PCDHAC1: variants seen among roughly 807,000 people sequenced by gnomAD.
The protein encoded by PCDHAC1 is protocadherin alpha-C1.
A neutral mutation model predicts 60.0 loss-of-function variants in PCDHAC1; 42 were observed. The observed-to-expected ratio is 0.70, with a 90% CI of 0.55 to 0.90. The LOEUF (loss-of-function observed/expected upper bound fraction) is 0.90. Ranked by LOEUF, PCDHAC1 falls within the 40% of genes least tolerant of loss-of-function variation. PCDHAC1 has a pLI of 0.00. For synonymous variants in PCDHAC1, 468 were observed against 499.3 expected, an observed-to-expected ratio of 0.94 and a Z score of 0.84; for missense variants, 1,160 against 1,222.3, an observed-to-expected ratio of 0.95 and a Z score of 0.76.
At chr5:140,958,593 A>G (rs1412529643) in intron 1 of PCDHAC1, among the ~76,000 whole-genome samples, 2 of 152,214 alleles carry the variant, frequency 1.3e-5, no homozygotes, top group African/African-American at 4.8e-5. Context: ...GCTTATGATA[A>G]TTGGATCAAA....
chr5:141,008,633 A>G (rs1212403774), intron 3 of PCDHAC1, among the ~76,000 whole-genome samples: 1 of 152,212 alleles, frequency 6.6e-6, no homozygotes, highest in African/African-American at 2.4e-5. Context: ...AGTATAATTA[A>G]CAATTTCTTC....
At chr5:140,968,394 G>A (rs782388354) in intron 1 of PCDHAC1, 3 of 1,613,942 alleles carry the variant, frequency 1.9e-6, no homozygotes, top group Admixed American at 3.3e-5. Context: ...GAGAAGTTTC[G>A]GGAGTTCTTT....
At chr5:140,956,314 G>C (rs1262942129) in intron 1 of PCDHAC1, among the ~76,000 whole-genome samples, 2 of 152,036 alleles carry the variant, frequency 1.3e-5, no homozygotes, top group Admixed American at 6.6e-5. Context: ...ATTATTTTGA[G>C]ATATGTTCCT....
chr5:140,934,684 A>C (rs1026507859), intron 1 of PCDHAC1, among the ~76,000 whole-genome samples: 9 of 152,178 alleles, frequency 5.9e-5, no homozygotes, highest in Non-Finnish European at 1.3e-4. Flanking sequence ...TATTCAAAAC[A>C]ATGAATTGAT....
At chr5:140,958,133 G>T (rs1472500802) in intron 1 of PCDHAC1, among the ~76,000 whole-genome samples, 2 of 152,046 alleles carry the variant, frequency 1.3e-5, no homozygotes, top group East Asian at 3.8e-4. Flanking sequence ...ATGTATCAGT[G>T]TGTATATTTA....
rs374146742 is a variant in PCDHAC1 at position 140,927,954 on chromosome 5, C to T, written c.1062C>T (p.Ala354=). ...TLSNPVPEDA[A]PGTVIALFSV... ...CGAACCCAGTACCTGAGGACGCTGC[C>T]CCTGGCACAGTGATTGCTCTCTTTA... Residue 354 remains alanine (A), a synonymous_variant, in exon 1 of 4, where the codon GCC becomes GCT. Transcript: ENST00000253807. The T allele has an allele frequency of 5.2e-5, 84 of 1,614,080 alleles. No homozygotes were observed. In the African/African-American group the frequency reaches 1.0e-3, roughly 19 times the overall value.
chr5:140,973,639 T>C (rs1563426866), intron 1 of PCDHAC1, among the ~76,000 whole-genome samples: 2 of 152,362 alleles, frequency 1.3e-5, no homozygotes, highest in East Asian at 3.9e-4. Context: ...GTACACATTC[T>C]GACTGAAGAA....
intron 3 of PCDHAC1, among the ~76,000 whole-genome samples, chr5:140,996,287 A>C (rs1200123512): frequency 2.0e-5 from 3 of 152,258 alleles, no homozygotes; most frequent in African/African-American, 4.8e-5. Context: ...AAATTTCAAG[A>C]AGCACAGATT....
chr5:140,983,005 AAAGG>A (rs1223217874), intron 3 of PCDHAC1, among the ~76,000 whole-genome samples: 2 of 152,110 alleles, frequency 1.3e-5, no homozygotes, highest in African/African-American at 2.4e-5. Flanking sequence ...AAAGAAAGAA[AAAGG>A]AAGGAAGGAA....
chr5:140,927,401 G>A lies in PCDHAC1; in HGVS notation c.509G>A (p.Arg170His), dbSNP rs782140870. The change falls in exon 1 of 4, where the codon CGC (arginine) becomes CAC (histidine). Residue 170 changes from arginine to histidine, a missense_variant. Transcript: ENST00000253807. ...AGCCTAAGCCCCAGTCAGCACTTTCGCCTGGACATGGGATCGCGGGTTGAC... is the reference window on the plus strand; with the variant it reads ...AGCCTAAGCCCCAGTCAGCACTTTCACCTGGACATGGGATCGCGGGTTGAC... Reference protein sequence around the residue: ...SYSLSPSQHFRLDMGSRVDGS... With the variant: ...SYSLSPSQHFHLDMGSRVDGS... The A allele has an allele frequency of 1.9e-6, 3 of 1,614,192 alleles. No homozygotes were observed. Among genetic ancestry groups the A allele is most frequent in the Non-Finnish European group, 2.5e-6 (3 of 1,180,036 alleles).
chr5:140,984,386 A>G (rs2097099955), intron 3 of PCDHAC1, among the ~76,000 whole-genome samples: 1 of 152,202 alleles, frequency 6.6e-6, no homozygotes, highest in South Asian at 2.1e-4. Flanking sequence ...TTCAGATTCA[A>G]AAAATGTTGA....
At chr5:140,965,343 T>C (rs1460433512) in intron 1 of PCDHAC1, among the ~76,000 whole-genome samples, 1 of 152,154 alleles carries the variant, frequency 6.6e-6, no homozygotes, top group Admixed American at 6.5e-5. Flanking sequence ...TGTCTCTGTG[T>C]TGCCTCTATA....
intron 1 of PCDHAC1, among the ~76,000 whole-genome samples, chr5:140,931,320 G>A (rs1350182542): frequency 6.6e-6 from 1 of 151,992 alleles, no homozygotes; most frequent in Non-Finnish European, 1.5e-5. Context: ...TACCAGTAAT[G>A]GCTGTAAAGT....
At chr5:141,006,077 T>C (rs1554260547) in intron 3 of PCDHAC1, among the ~76,000 whole-genome samples, 1 of 150,908 alleles carries the variant, frequency 6.6e-6, no homozygotes, top group East Asian at 1.9e-4. Flanking sequence ...ATCAGATTAT[T>C]GAAGGGACTT....
chr5:140,975,707 A>G (rs1445809800), intron 1 of PCDHAC1, among the ~76,000 whole-genome samples: 1 of 152,204 alleles, frequency 6.6e-6, no homozygotes, highest in East Asian at 1.9e-4. Context: ...ATTTTACTTT[A>G]AATCTTAGAA....
intron 1 of PCDHAC1, among the ~76,000 whole-genome samples, chr5:140,978,185 G>C (rs1177844558): frequency 1.3e-5 from 2 of 152,168 alleles, no homozygotes; most frequent in East Asian, 3.8e-4. Context: ...GAGGGCAACA[G>C]ATCTTTTCAA....
intron 1 of PCDHAC1, chr5:140,966,748 T>G: frequency 1.4e-6 from 2 of 1,426,956 alleles, no homozygotes; most frequent in Non-Finnish European, 1.8e-6. Flanking sequence ...CCCGGCTGCC[T>G]CCGCCGCGGC....
Position 140,928,168 on chromosome 5 carries a change from A to T in PCDHAC1, c.1276A>T (p.Ser426Cys). ...CTCAGATAGTGGCTCACCCCCACTT[A>T]GCACCCGAAGGACAATCACTGTGTC... ...TASDSGSPPL[S>C]TRRTITVSVA... Residue 426 changes from serine to cysteine, a missense_variant, in exon 1 of 4, where the codon AGC (serine) becomes TGC (cysteine). Transcript: ENST00000253807. 1.9e-6 allele frequency: 3 copies of T among 1,614,174 alleles called. No homozygotes were observed. The highest frequency in any genetic ancestry group is 2.5e-6 in the Non-Finnish European group (3 of 1,180,034).
Position 140,978,951 on chromosome 5 carries a change from A to G in PCDHAC1, c.2436A>G (p.Pro812=). Residue 812 remains proline, a splice_region_variant and synonymous_variant, in exon 2 of 4, where the codon CCA becomes CCG. Coordinates refer to ENST00000253807, the MANE Select transcript of PCDHAC1 (RefSeq NM_018898.5). ...KGDHANVNAM[P]RQPNPDWRYS... ...AAACTCTCTTTGTGATTTTGCAGCC[A>G]CGACAGCCCAACCCTGACTGGCGTT... is the stretch of plus-strand genomic sequence containing the variant. 1.2e-6 allele frequency: 2 copies of G among 1,614,182 alleles called. No homozygotes were observed. The highest frequency in any genetic ancestry group is 1.7e-6 in the Non-Finnish European group (2 of 1,180,032).
Sources: allele counts gnomAD v4.1 joint callset (sites outside exome capture counted in the v4.1 genomes callset), GRCh38; gene constraint gnomAD v4.1.1; transcripts MANE v1.5; gene names NCBI Gene and HGNC (gene_info 2026-07-23, HGNC 2026-07-21).